The following PKP2 variants were observed in gnomAD, a reference collection of about 807,000 sequenced individuals.
The protein encoded by PKP2 is plakophilin 2, also known as plakophilin-2.
A neutral mutation model predicts 83.4 loss-of-function variants in PKP2; 73 were observed. The ratio of observed to expected loss-of-function variants is 0.88; its 90% confidence interval spans 0.72 to 1.06. The LOEUF is 1.06. PKP2 is among the 50% of genes least tolerant of loss of function. The pLI, the probability that PKP2 is intolerant of heterozygous loss-of-function variation, is 0.00. For synonymous variants in PKP2, 409 were observed against 430.4 expected (o/e 0.95, Z 0.62); for missense variants, 966 against 1,065.4 (o/e 0.91, Z 1.30).
At chr12:32,871,016 G>A (rs1384951375) in intron 3 of PKP2, among the ~76,000 whole-genome samples, 1 of 152,126 alleles carries the variant, frequency 6.6e-6, no homozygotes, top group African/African-American at 2.4e-5. Context: ...TACTACAGCT[G>A]TCAGGGGGTC....
chr12:32,823,440 AAG>A (rs1956402868), intron 7 of PKP2, among the ~76,000 whole-genome samples: 2 of 151,168 alleles, frequency 1.3e-5, no homozygotes, highest in African/African-American at 2.4e-5. Context: ...AAAAAAAAAA[AAG>A]GATTATAAAA....
intron 4 of PKP2, among the ~76,000 whole-genome samples, chr12:32,868,564 C>T (rs1412785684): frequency 6.6e-6 from 1 of 151,710 alleles, no homozygotes; most frequent in Non-Finnish European, 1.5e-5. Flanking sequence ...GTTCTGTCAC[C>T]CAGGCTGGAG....
At chr12:32,810,126 A>G (rs765783667) in intron 9 of PKP2, among the ~76,000 whole-genome samples, 5 of 152,166 alleles carry the variant, frequency 3.3e-5, no homozygotes, top group Non-Finnish European at 2.9e-5. Flanking sequence ...CAATAAGCCC[A>G]TCACACAATT....
chr12:32,816,460 TACC>T (rs1956320629), intron 9 of PKP2, among the ~76,000 whole-genome samples: 1 of 152,204 alleles, frequency 6.6e-6, no homozygotes, highest in Admixed American at 6.5e-5. Flanking sequence ...GGTGCATATG[TACC>T]ACATTTTCTT....
In PKP2 at chr12:32,881,808, T is replaced by C. The variant is rs532038500; in HGVS notation, c.224-2776A>G. Among the ~76,000 whole-genome samples, 6 of 152,318 alleles carry C rather than the reference T, an allele frequency of 3.9e-5. No individual in the cohort carries two copies. The South Asian group carries it at 1.0e-3, about 26-fold the overall frequency. On this transcript the variant is annotated intron_variant, in intron 1 of 12. Transcript: ENST00000340811. Reference sequence around the variant, plus strand: ...GCCACCGTGTCTGGCCTCATATTATTATTTTATGTTGGCTGAGGCTCGCGC... The same window carrying C: ...GCCACCGTGTCTGGCCTCATATTATCATTTTATGTTGGCTGAGGCTCGCGC...
At chr12:32,849,829 T>C in intron 5 of PKP2, among the ~76,000 whole-genome samples, 1 of 152,204 alleles carries the variant, frequency 6.6e-6, no homozygotes, top group African/African-American at 2.4e-5. Context: ...ACTCTTTTCT[T>C]CTTTAAGGTT....
chr12:32,813,839 ACT>A (rs894425918), intron 9 of PKP2, among the ~76,000 whole-genome samples: 8 of 152,210 alleles, frequency 5.3e-5, no homozygotes, highest in East Asian at 3.9e-4. Flanking sequence ...CAATTGCAAT[ACT>A]CTGTTTATTA....
At chr12:32,868,888 G>A (rs777157847) in intron 4 of PKP2, 39 bp downstream of exon 4, 1 of 1,602,274 alleles carries the variant, frequency 6.2e-7, no homozygotes, top group Non-Finnish European at 8.5e-7. Context: ...AGAAGTGAAA[G>A]TGTGTTGCGC....
intron 1 of PKP2, among the ~76,000 whole-genome samples, chr12:32,880,122 G>A (rs1956972080): frequency 6.6e-6 from 1 of 151,292 alleles, no homozygotes; most frequent in Admixed American, 6.7e-5. Context: ...AACAGGATAG[G>A]CCGGGCGTGG....
chr12:32,824,200 G>T, intron 6 of PKP2, 38 bp from the exon 7 acceptor site: 1 of 1,344,622 alleles, frequency 7.4e-7, no homozygotes, highest in Non-Finnish European at 1.1e-6. Flanking sequence ...GTAAGTCTAG[G>T]CTGTGTATCC....
At chr12:32,837,521 G>A (rs535989677) in intron 6 of PKP2, among the ~76,000 whole-genome samples, 10 of 152,246 alleles carry the variant, frequency 6.6e-5, no homozygotes, top group South Asian at 2.1e-4. Flanking sequence ...AGATGAAATC[G>A]GAATGGACAG....
intron 9 of PKP2, among the ~76,000 whole-genome samples, chr12:32,813,495 A>G (rs768878907): frequency 1.3e-5 from 2 of 152,226 alleles, no homozygotes; most frequent in Non-Finnish European, 2.9e-5. Context: ...AATAGTAGGA[A>G]GAAGCTGGGC....
chr12:32,804,243 T>C (rs1047254011), intron 9 of PKP2, among the ~76,000 whole-genome samples: 2 of 152,168 alleles, frequency 1.3e-5, no homozygotes, highest in Admixed American at 1.3e-4. Flanking sequence ...AGGCATTCTG[T>C]TGGATGGTTT....
chr12:32,849,813 C>A (rs565192449), intron 5 of PKP2, among the ~76,000 whole-genome samples: 18 of 152,242 alleles, frequency 1.2e-4, no homozygotes, highest in South Asian at 8.3e-4. Flanking sequence ...ACAAACATAT[C>A]CAGTTACTCT....
chr12:32,827,723 C>G (rs1205946417), intron 6 of PKP2, among the ~76,000 whole-genome samples: 2 of 151,962 alleles, frequency 1.3e-5, no homozygotes, highest in African/African-American at 4.8e-5. Flanking sequence ...ATTACCTTAT[C>G]GAAAATTAAA....
At chr12:32,818,324 G>T (rs1443325276) in intron 9 of PKP2, among the ~76,000 whole-genome samples, 1 of 152,048 alleles carries the variant, frequency 6.6e-6, no homozygotes, top group Admixed American at 6.6e-5. Context: ...AGTTGGGAGT[G>T]GTGGCACATG....
intron 3 of PKP2, among the ~76,000 whole-genome samples, chr12:32,876,209 A>G (rs1956931020): frequency 6.6e-6 from 1 of 152,104 alleles, no homozygotes; most frequent in Non-Finnish European, 1.5e-5. Context: ...TCTGCTTAGG[A>G]TGTAGCAGAT....
intron 6 of PKP2, among the ~76,000 whole-genome samples, chr12:32,840,579 G>A (rs150497424): frequency 3.9e-5 from 6 of 152,238 alleles, no homozygotes; most frequent in African/African-American, 1.4e-4. Context: ...TATTACAAGT[G>A]TGAGCCACCG....
At chr12:32,838,336 G>T (rs1480996181) in intron 6 of PKP2, among the ~76,000 whole-genome samples, 1 of 152,110 alleles carries the variant, frequency 6.6e-6, no homozygotes, top group East Asian at 1.9e-4. Flanking sequence ...AGCAGGGAGG[G>T]ACAGAGCAGG....
Sources: gnomAD v4.1 joint callset for allele counts (sites outside exome capture counted in the v4.1 genomes callset) on GRCh38, gnomAD v4.1.1 for gene constraint, MANE v1.5 for transcripts, NCBI Gene and HGNC (gene_info 2026-07-23, HGNC 2026-07-21) for gene names.